CES5A: variants seen among roughly 807,000 people sequenced by gnomAD.
CES5A encodes the protein carboxylesterase 5A, also known as carboxylesterase 5.
Under a neutral mutation model 62.9 loss-of-function variants are expected in CES5A, and 67 were observed. That is an observed-to-expected ratio of 1.07 (90% confidence interval 0.88 to 1.31). The LOEUF is 1.31. Among genes scored for constraint, CES5A ranks in the 50% most tolerant of loss-of-function variants. CES5A has a pLI of 0.00. For missense variants in CES5A, 748 were observed against 708.5 expected (o/e 1.06, Z -0.63); for synonymous variants, 296 against 280.8 (o/e 1.05, Z -0.54).
At chr16:55,909,557 TG>T (rs1298699985) in intron 1 of CES5A, among the ~76,000 whole-genome samples, 1 of 136,184 alleles carries the variant, frequency 7.3e-6, no homozygotes, top group African/African-American at 2.8e-5. Flanking sequence ...AGCATGTGAG[TG>T]CGTGCGCACG....
chr16:55,903,137 A>T (rs1348301619), intron 1 of CES5A, among the ~76,000 whole-genome samples: 1 of 152,116 alleles, frequency 6.6e-6, no homozygotes, highest in Non-Finnish European at 1.5e-5. Flanking sequence ...GAGAAAAAAA[A>T]AAAGACACAG....
intron 2 of CES5A, among the ~76,000 whole-genome samples, chr16:55,937,489 G>A (rs754297498): frequency 2.0e-5 from 3 of 152,154 alleles, no homozygotes; most frequent in Admixed American, 6.5e-5. Context: ...TTCTGGTTGC[G>A]TTCTACACCT....
intron 2 of CES5A, among the ~76,000 whole-genome samples, chr16:55,947,467 T>C (rs1483942901): frequency 6.6e-6 from 1 of 152,182 alleles, no homozygotes; most frequent in African/African-American, 2.4e-5. Context: ...TGCTAAGTAC[T>C]GTTCTGGATG....
At chr16:55,947,007 A>G (rs2034502618) in intron 2 of CES5A, among the ~76,000 whole-genome samples, 1 of 152,186 alleles carries the variant, frequency 6.6e-6, no homozygotes, top group Admixed American at 6.5e-5. Context: ...CAATCTGCCC[A>G]ATGTGAGGCC....
At position 55,873,814 on chromosome 16, in the gene CES5A, G is replaced by A. The variant is rs769822511; in HGVS notation, c.278+19C>T. The A allele has an allele frequency of 6.2e-7, 1 of 1,603,060 alleles. No individual in the cohort carries two copies. Among genetic ancestry groups the A allele is most frequent in the Non-Finnish European group, 8.5e-7 (1 of 1,173,248 alleles). On this transcript the variant is annotated intron_variant, in intron 2 of 12. Transcript: ENST00000290567. ...CTCCCAGAGTCACAAACCACCCGTG[G>A]GCCCGAACCTGGTCTTACAAATTAG...
In CES5A at chr16:55,856,288, TGCCC is replaced by T. The variant is rs1222830601; in HGVS notation, c.1125+85_1125+88del. The T allele has an allele frequency of 2.7e-6, 3 of 1,131,286 alleles. No homozygotes were observed. In the African/African-American group the frequency reaches 4.6e-5, roughly 17 times the overall value. 70.1% of individuals were successfully genotyped at this position (1,131,286 alleles called of 1,614,324 possible). On this transcript the variant is annotated intron_variant, in intron 9 of 12. Coordinates refer to ENST00000290567, the MANE Select transcript of CES5A (RefSeq NM_001143685.2). Reference sequence around the variant, plus strand: ...TGACTGAGTGAGTGAGGAGTGTCTGTGCCCTTGGCTTCTCCTGCTGAGTGTGACC... The same window carrying T: ...TGACTGAGTGAGTGAGGAGTGTCTGTTTGGCTTCTCCTGCTGAGTGTGACC...
At chr16:55,905,333 C>T (rs2034029616) in intron 1 of CES5A, among the ~76,000 whole-genome samples, 1 of 151,338 alleles carries the variant, frequency 6.6e-6, no homozygotes, top group Non-Finnish European at 1.5e-5. Context: ...CTTTTATCCA[C>T]GTTATCCTGG....
chr16:55,937,345 A>G (rs1197933975), intron 2 of CES5A, among the ~76,000 whole-genome samples: 1 of 152,158 alleles, frequency 6.6e-6, no homozygotes, highest in African/African-American at 2.4e-5. Flanking sequence ...GCAGGGACAG[A>G]TTGTGCTTCA....
Position 55,873,883 on chromosome 16 carries a change from C to A in CES5A, c.228G>T (p.Gln76His). ...GCAAGTTATCCCAGGGCGATGCAGGCTGCGGGTTCGTAAATCGCAGGGATC... is the reference window on the plus strand; with the variant it reads ...GCAAGTTATCCCAGGGCGATGCAGGATGCGGGTTCGTAAATCGCAGGGATC... Reference protein sequence around the residue: ...PLGSLRFTNPQPASPWDNLRE... With the variant: ...PLGSLRFTNPHPASPWDNLRE... The change falls in exon 2 of 13, where the codon CAG becomes CAT. Residue 76 changes from glutamine to histidine, a missense_variant. Coordinates refer to ENST00000290567, the MANE Select transcript of CES5A (RefSeq NM_001143685.2). The A allele has an allele frequency of 6.2e-7, 1 of 1,613,766 alleles. No homozygotes were observed. Among genetic ancestry groups the A allele is most frequent in the South Asian group, 1.1e-5 (1 of 90,866 alleles).
intron 2 of CES5A, among the ~76,000 whole-genome samples, chr16:55,933,398 G>C (rs1171868151): frequency 1.3e-5 from 2 of 152,174 alleles, no homozygotes; most frequent in Non-Finnish European, 2.9e-5. Context: ...ATTTGGGATA[G>C]TAGTGATAAA....
intron 2 of CES5A, among the ~76,000 whole-genome samples, chr16:55,938,793 T>A (rs1375493758): frequency 2.7e-4 from 16 of 58,836 alleles, no homozygotes; most frequent in South Asian, 9.5e-4. Context: ...TATATATATA[T>A]ATATACACAC....
intron 1 of CES5A, among the ~76,000 whole-genome samples, chr16:55,890,184 G>C (rs1425884608): frequency 4.0e-5 from 6 of 151,808 alleles, no homozygotes; most frequent in Non-Finnish European, 7.4e-5. Context: ...GTAGAGAAAG[G>C]CAAAAGAAAG....
chr16:55,951,195 A>T (rs192925294), intron 1 of CES5A, among the ~76,000 whole-genome samples: 216 of 152,088 alleles, frequency 1.4e-3, no homozygotes, highest in Middle Eastern at 0.01. Context: ...TCCAACGAAC[A>T]AAACAGATTA....
chr16:55,914,882 C>A (rs985496415), intron 1 of CES5A, among the ~76,000 whole-genome samples: 2 of 152,038 alleles, frequency 1.3e-5, no homozygotes, highest in Non-Finnish European at 2.9e-5. Context: ...TAGTTTTGAC[C>A]CTTGTGCTGT....
chr16:55,946,437 G>A (rs1466348575), intron 2 of CES5A, among the ~76,000 whole-genome samples: 6 of 152,130 alleles, frequency 3.9e-5, no homozygotes, highest in South Asian at 2.1e-4. Flanking sequence ...AAATCCTGTC[G>A]ATCCTTGTTC....
At position 55,854,534 on chromosome 16, in the gene CES5A, T is replaced by TCTG. The variant is rs1555479321; in HGVS notation, c.1126-1507_1126-1506insCAG. ...GGGATATCTGCCTGTAGTGTTTCTTTTTTTTTTTTCTTTTTTTTTTTTTGA... is the reference window on the plus strand; with the variant it reads ...GGGATATCTGCCTGTAGTGTTTCTTTCTGTTTTTTTTTCTTTTTTTTTTTTTGA... On this transcript the variant is annotated intron_variant, in intron 9 of 12. Coordinates refer to ENST00000290567, the MANE Select transcript of CES5A (RefSeq NM_001143685.2). 1.5e-3 allele frequency among the ~76,000 whole-genome samples: 17 copies of TCTG among 11,466 alleles called. 2 individuals are homozygous for TCTG. Among genetic ancestry groups the TCTG allele is most frequent in the East Asian group, 2.7e-3 (1 of 376 alleles). The allele number at this position is 11,466 out of a possible 152,430, so 7.5% of individuals were successfully genotyped here.
At chr16:55,873,702 G>T in intron 2 of CES5A, 131 bp downstream of exon 2, 1 of 817,668 alleles carries the variant, frequency 1.2e-6, no homozygotes. Flanking sequence ...CCACTCGCCC[G>T]AGTCTCAAGC....
intron 3 of CES5A, among the ~76,000 whole-genome samples, chr16:55,870,985 C>G: frequency 6.6e-6 from 1 of 152,162 alleles, no homozygotes; most frequent in East Asian, 1.9e-4. Context: ...CTCGTCTTCT[C>G]CATCTGTGGA....
intron 1 of CES5A, among the ~76,000 whole-genome samples, chr16:55,952,415 A>G (rs74926294): frequency 0.23 from 33,832 of 145,060 alleles, 4,958 homozygotes; most frequent in Non-Finnish European, 0.33. Context: ...GATATTAATA[A>G]AGATAAAATG....
Sources: allele counts gnomAD v4.1 joint callset (sites outside exome capture counted in the v4.1 genomes callset), GRCh38; gene constraint gnomAD v4.1.1; transcripts MANE v1.5; gene names NCBI Gene and HGNC (gene_info 2026-07-23, HGNC 2026-07-21).